NKAIN2: variants seen among roughly 807,000 people sequenced by gnomAD.
NKAIN2 encodes the protein sodium/potassium-transporting ATPase subunit beta-1-interacting protein 2.
Under a neutral mutation model 32.6 loss-of-function variants are expected in NKAIN2, and 14 were observed. The observed-to-expected ratio is 0.43, with a 90% CI of 0.28 to 0.67. NKAIN2 has a LOEUF of 0.67. Among genes scored for constraint, NKAIN2 ranks in the 30% least tolerant of loss-of-function variants. The pLI is 0.17. For missense variants in NKAIN2, 198 were observed against 258.3 expected, an observed-to-expected ratio of 0.77 and a Z score of 1.60; for synonymous variants, 80 against 87.2, an observed-to-expected ratio of 0.92 and a Z score of 0.46.
intron 1 of NKAIN2, among the ~76,000 whole-genome samples, chr6:124,226,462 T>C (rs1032186320): frequency 5.3e-5 from 8 of 152,076 alleles, no homozygotes; most frequent in African/African-American, 1.7e-4. Flanking sequence ...TAGACCTATG[T>C]TACCCTTGTA....
chr6:124,065,723 A>T (rs1167956574), intron 1 of NKAIN2, among the ~76,000 whole-genome samples: 1 of 152,142 alleles, frequency 6.6e-6, no homozygotes, highest in African/African-American at 2.4e-5. Flanking sequence ...AGGAGCACAA[A>T]TGGATAAGAC....
chr6:124,124,446 A>G (rs1786055586), intron 1 of NKAIN2, among the ~76,000 whole-genome samples: 2 of 152,160 alleles, frequency 1.3e-5, no homozygotes, highest in Admixed American at 1.3e-4. Flanking sequence ...CAAATCTATT[A>G]TTTGTTATGA....
At chr6:124,027,429 G>A (rs1781162511) in intron 1 of NKAIN2, among the ~76,000 whole-genome samples, 1 of 152,160 alleles carries the variant, frequency 6.6e-6, no homozygotes, top group Non-Finnish European at 1.5e-5. Context: ...ACAGGCGTGA[G>A]CCACCGCGCC....
At chr6:124,711,580 T>G (rs1277244593) in intron 4 of NKAIN2, among the ~76,000 whole-genome samples, 1 of 150,846 alleles carries the variant, frequency 6.6e-6, no homozygotes, top group Admixed American at 6.6e-5. Flanking sequence ...CATCTTCCAT[T>G]GCTGATACCC....
intron 1 of NKAIN2, among the ~76,000 whole-genome samples, chr6:124,200,936 G>A (rs916700016): frequency 6.6e-6 from 1 of 151,956 alleles, no homozygotes; most frequent in Admixed American, 6.6e-5. Context: ...GGAAAAAGCC[G>A]TCTTCATTTC....
intron 4 of NKAIN2, among the ~76,000 whole-genome samples, chr6:124,751,646 C>A (rs1777725423): frequency 6.6e-6 from 1 of 151,672 alleles, no homozygotes; most frequent in Non-Finnish European, 1.5e-5. Context: ...AGTAGGTATA[C>A]CTCCAAATCC....
intron 5 of NKAIN2, among the ~76,000 whole-genome samples, chr6:124,810,260 T>G (rs1780827970): frequency 6.6e-6 from 1 of 151,540 alleles, no homozygotes; most frequent in Non-Finnish European, 1.5e-5. Flanking sequence ...TAGACTGGAT[T>G]AAGAAAATGT....
chr6:123,996,637 G>A (rs1422036172), intron 1 of NKAIN2, among the ~76,000 whole-genome samples: 2 of 152,126 alleles, frequency 1.3e-5, no homozygotes, highest in Non-Finnish European at 2.9e-5. Context: ...CAGTGATAAT[G>A]CCTTTGCCTT....
chr6:124,349,584 T>C (rs770638112), intron 2 of NKAIN2, among the ~76,000 whole-genome samples: 13 of 152,204 alleles, frequency 8.5e-5, no homozygotes, highest in Non-Finnish European at 1.8e-4. Context: ...GTAGCTTCTG[T>C]TGCAGTCACT....
chr6:123,969,541 A>G (rs1778243808), intron 1 of NKAIN2, among the ~76,000 whole-genome samples: 1 of 152,194 alleles, frequency 6.6e-6, no homozygotes, highest in South Asian at 2.1e-4. Context: ...GAATCTGTGT[A>G]GTAAGACTTT....
In NKAIN2 at chr6:124,663,162, C is replaced by A. The variant is rs374822787; in HGVS notation, c.474+4776C>A. ...TAGATTTTGGCCAGGTGTGGTGGCTCACGCCTGTAATCCCAGCAGTTTGGG... is the reference window on the plus strand; with the variant it reads ...TAGATTTTGGCCAGGTGTGGTGGCTAACGCCTGTAATCCCAGCAGTTTGGG... On this transcript the variant is annotated intron_variant, in intron 4 of 6. Transcript: ENST00000368417. Among the ~76,000 whole-genome samples the A allele has an allele frequency of 7.2e-5, 11 of 152,138 alleles. 1 individual carries two copies. The South Asian group carries it at 1.7e-3, about 23-fold the overall frequency.
chr6:124,689,624 G>A (rs1370545828), intron 4 of NKAIN2, among the ~76,000 whole-genome samples: 1 of 151,962 alleles, frequency 6.6e-6, no homozygotes, highest in Non-Finnish European at 1.5e-5. Flanking sequence ...TTTATTTTGA[G>A]TTAATTTTTG....
chr6:124,066,794 G>A lies in NKAIN2; in HGVS notation c.55-216211G>A, dbSNP rs7740943. 8.0e-3 allele frequency among the ~76,000 whole-genome samples: 1,216 copies of A among 152,074 alleles called. 10 individuals carry two copies. The highest frequency in any genetic ancestry group is 0.028 in the African/African-American group (1,173 of 41,522). On this transcript the variant is annotated intron_variant, in intron 1 of 6. Transcript: ENST00000368417. ...ATGCATATAATCCTTTTAGTGCAGA[G>A]CATATTCTAAGGATACTATCTCAAA...
intron 3 of NKAIN2, among the ~76,000 whole-genome samples, chr6:124,561,587 G>T (rs1007107319): frequency 4.6e-5 from 7 of 152,158 alleles, no homozygotes; most frequent in African/African-American, 1.7e-4. Flanking sequence ...CAGTGCTTAA[G>T]ATGTATTGTT....
intron 1 of NKAIN2, among the ~76,000 whole-genome samples, chr6:124,216,687 T>G (rs994359332): frequency 6.6e-6 from 1 of 152,352 alleles, no homozygotes; most frequent in East Asian, 1.9e-4. Flanking sequence ...TAAATAAGTT[T>G]CATTCAGGTA....
At chr6:124,397,980 G>A (rs7752965) in intron 3 of NKAIN2, among the ~76,000 whole-genome samples, 5,173 of 151,954 alleles carry the variant, frequency 0.034, 270 homozygotes, top group African/African-American at 0.12. Context: ...GGGGCCGGGC[G>A]TGGTGGCTCA....
At chr6:124,162,337 A>G (rs192551116) in intron 1 of NKAIN2, among the ~76,000 whole-genome samples, 26 of 152,234 alleles carry the variant, frequency 1.7e-4, no homozygotes, top group Non-Finnish European at 3.1e-4. Context: ...CTTTTCATCC[A>G]GTTTTCCCTA....
chr6:124,184,009 C>T (rs1230322897), intron 1 of NKAIN2, among the ~76,000 whole-genome samples: 1 of 151,974 alleles, frequency 6.6e-6, no homozygotes, highest in African/African-American at 2.4e-5. Flanking sequence ...ATCATCAAAA[C>T]AAGAAAAGAA....
chr6:123,937,520 C>T (rs192948306), intron 1 of NKAIN2, among the ~76,000 whole-genome samples: 30 of 152,158 alleles, frequency 2.0e-4, no homozygotes, highest in Admixed American at 5.9e-4. Context: ...TGTACGACTG[C>T]GTGTGAAAAG....
Sources: allele counts gnomAD v4.1 joint callset (sites outside exome capture counted in the v4.1 genomes callset), GRCh38; gene constraint gnomAD v4.1.1; transcripts MANE v1.5; gene names NCBI Gene and HGNC (gene_info 2026-07-23, HGNC 2026-07-21).